Variants in ABCD3 observed in about 807,000 individuals in gnomAD.
The protein encoded by ABCD3 is ATP-binding cassette sub-family D member 3.
Under a neutral mutation model 105.5 loss-of-function variants are expected in ABCD3, and 41 were observed. The ratio of observed to expected loss-of-function variants is 0.39; its 90% CI spans 0.30 to 0.50. ABCD3 has a LOEUF of 0.50. Ranked by LOEUF, ABCD3 falls within the 20% of genes least tolerant of loss-of-function variation. ABCD3 has a pLI of 0.84. For missense variants in ABCD3, 622 were observed against 806.3 expected, an observed-to-expected ratio of 0.77 and a Z score of 2.77; for synonymous variants, 258 against 269.0, an observed-to-expected ratio of 0.96 and a Z score of 0.40.
chr1:94,475,872 G>A lies in ABCD3; in HGVS notation c.627+135G>A, dbSNP rs905542944. The stretch of plus-strand genomic sequence containing the variant: ...TTAATGCTTTTATAAGAAAATTAGA[G>A]TTGTTGTAATAGTTTTAATTATTTT... On this transcript the variant is annotated intron_variant, in intron 7 of 22. Coordinates refer to ENST00000370214, the MANE Select transcript of ABCD3 (RefSeq NM_002858.4). 3 of 713,766 alleles carry A rather than the reference G, an allele frequency of 4.2e-6. No homozygotes were observed. The African/African-American group carries it at 5.4e-5, about 13-fold the overall frequency. The allele number at this position is 713,766 out of a possible 1,614,324, so 44.2% of individuals were successfully genotyped here. A position where few individuals can be genotyped will look rare whatever the true frequency, so the allele number is the denominator to read the frequency against.
intron 16 of ABCD3, among the ~76,000 whole-genome samples, chr1:94,497,435 ACT>A (rs1649878498): frequency 6.6e-6 from 1 of 152,096 alleles, no homozygotes; most frequent in Admixed American, 6.6e-5. Context: ...AGCTAGGGTA[ACT>A]CATATCTTTC....
At chr1:94,436,739 T>G (rs903035634) in intron 1 of ABCD3, among the ~76,000 whole-genome samples, 6 of 152,240 alleles carry the variant, frequency 3.9e-5, no homozygotes, top group African/African-American at 1.4e-4. Flanking sequence ...GATCTGTGAT[T>G]GGACATCTTT....
chr1:94,418,884 T>A, intron 1 of ABCD3: 1 of 496,274 alleles, frequency 2.0e-6, no homozygotes, highest in South Asian at 2.3e-5. Flanking sequence ...CAGTTGGGGG[T>A]GGGAGGGGGA....
At chr1:94,475,579 T>G (rs1648700415) in intron 6 of ABCD3, 35 bp from the exon 7 acceptor site, 1 of 1,593,926 alleles carries the variant, frequency 6.3e-7, no homozygotes, top group Middle Eastern at 1.8e-4. Flanking sequence ...TTAAAGTCAC[T>G]TGTTTTAAAA....
chr1:94,397,010 C>T, the ABCD3 span, among the ~76,000 whole-genome samples: 7 of 152,104 alleles, frequency 4.6e-5, no homozygotes, highest in East Asian at 5.8e-4. Flanking sequence ...TCTATTTATG[C>T]TAGTTTCTTA....
At chr1:94,436,701 C>T (rs190842993) in intron 1 of ABCD3, among the ~76,000 whole-genome samples, 23 of 152,268 alleles carry the variant, frequency 1.5e-4, no homozygotes, top group African/African-American at 5.1e-4. Flanking sequence ...ATATTTCAAA[C>T]TTTTTCATTT....
At chr1:94,458,063 G>A (rs944249286) in intron 1 of ABCD3, among the ~76,000 whole-genome samples, 4 of 152,166 alleles carry the variant, frequency 2.6e-5, no homozygotes, top group Non-Finnish European at 5.9e-5. Flanking sequence ...GCCTAGACTA[G>A]TAGTCAGAAT....
At chr1:94,450,670 G>A (rs1660546725) in intron 1 of ABCD3, among the ~76,000 whole-genome samples, 1 of 152,176 alleles carries the variant, frequency 6.6e-6, no homozygotes, top group African/African-American at 2.4e-5. Flanking sequence ...GGGGCTCTCA[G>A]CTCTGAAGGC....
chr1:94,463,398 A>G (rs1367608137), intron 2 of ABCD3, among the ~76,000 whole-genome samples: 3 of 152,170 alleles, frequency 2.0e-5, no homozygotes, highest in Non-Finnish European at 4.4e-5. Context: ...GTTGGTAGTT[A>G]TTATTATTCT....
In ABCD3 at chr1:94,483,253, C is replaced by G. The variant is rs775390074; in HGVS notation, c.897+14C>G. The G allele has an allele frequency of 8.1e-6, 13 of 1,604,252 alleles. No homozygotes were observed. The East Asian group carries it at 2.9e-4, about 36-fold the overall frequency. ...TTCCGAAAACTGGTAAGATAACACACTTGAGGTTCATGTGTTTATGGAAAG... is the reference window on the plus strand; with the variant it reads ...TTCCGAAAACTGGTAAGATAACACAGTTGAGGTTCATGTGTTTATGGAAAG... On this transcript the variant is annotated intron_variant, in intron 10 of 22. Transcript: ENST00000370214.
Position 94,517,171 on chromosome 1 carries a change from A to G in ABCD3, c.*42A>G. ...ATACCTGCTTCAGTGAAATAATTAC[A>G]GAATATACTTAGAAAGGCAAAGTAC... On this transcript the variant is annotated 3_prime_UTR_variant, in exon 23 of 23. Coordinates refer to ENST00000370214, the MANE Select transcript of ABCD3 (RefSeq NM_002858.4). The G allele has an allele frequency of 7.0e-7, 1 of 1,427,552 alleles. No individual in the cohort carries two copies. The highest frequency in any genetic ancestry group is 9.9e-7 in the Non-Finnish European group (1 of 1,011,176). The allele number at this position is 1,427,552 out of a possible 1,614,324, so 88.4% of individuals were successfully genotyped here. A position where few individuals can be genotyped will look rare whatever the true frequency, so the allele number is the denominator to read the frequency against.
At chr1:94,425,324 A>C (rs1659425638) in intron 1 of ABCD3, among the ~76,000 whole-genome samples, 1 of 152,136 alleles carries the variant, frequency 6.6e-6, no homozygotes, top group Non-Finnish European at 1.5e-5. Flanking sequence ...TGTTATTTTC[A>C]TTTAAAGCAT....
the ABCD3 span, among the ~76,000 whole-genome samples, chr1:94,408,354 G>C: frequency 6.6e-6 from 1 of 152,010 alleles, no homozygotes; most frequent in African/African-American, 2.4e-5. Flanking sequence ...AGGCCAAGGT[G>C]GGGGGATCAC....
In ABCD3 at chr1:94,491,036, G is replaced by A. The variant is rs1008910036; in HGVS notation, c.1323-148G>A. ...TGAGATGTTGAGCACCTTTTCGTAT[G>A]CCTGTTGGCCATCTGAATTTCTTCT... On this transcript the variant is annotated intron_variant, in intron 15 of 22. Coordinates refer to ENST00000370214, the MANE Select transcript of ABCD3 (RefSeq NM_002858.4). 53 of 605,504 alleles carry A rather than the reference G, an allele frequency of 8.8e-5. No individual in the cohort carries two copies. The Admixed American group carries it at 1.3e-3, about 15-fold the overall frequency. The allele number at this position is 605,504 out of a possible 1,614,324, so 37.5% of individuals were successfully genotyped here.
At chr1:94,451,829 C>T (rs578150166) in intron 1 of ABCD3, among the ~76,000 whole-genome samples, 17 of 152,194 alleles carry the variant, frequency 1.1e-4, no homozygotes, top group Admixed American at 7.2e-4. Flanking sequence ...GAGAAAAATA[C>T]TTTGCCATTT....
chr1:94,423,472 T>G (rs1490749116), intron 1 of ABCD3, among the ~76,000 whole-genome samples: 1 of 152,214 alleles, frequency 6.6e-6, no homozygotes, highest in Non-Finnish European at 1.5e-5. Context: ...TAGTGACATC[T>G]TACTTCGCTT....
At chr1:94,444,115 T>C (rs1280795423) in intron 1 of ABCD3, among the ~76,000 whole-genome samples, 1 of 151,920 alleles carries the variant, frequency 6.6e-6, no homozygotes, top group East Asian at 1.9e-4. Context: ...AGGCAGACCA[T>C]GAGGTCAAGA....
rs61772850 is a variant in ABCD3 at position 94,452,985 on chromosome 1, G to A, written c.111-5622G>A. On this transcript the variant is annotated intron_variant, in intron 1 of 22. Coordinates refer to ENST00000370214, the MANE Select transcript of ABCD3 (RefSeq NM_002858.4). ...ACTCCTGGCCTCAAGTGATCCGCCC[G>A]CCTCTGCCTTCCAAAGCACTGGGAT... Among the ~76,000 whole-genome samples the A allele has an allele frequency of 3.9e-3, 589 of 152,192 alleles. 1 individual carries two copies. The highest frequency in any genetic ancestry group is 6.8e-3 in the Middle Eastern group (2 of 294).
chr1:94,489,979 C>A lies in ABCD3; in HGVS notation c.1322+4C>A. 1 of 1,611,952 alleles carries A rather than the reference C, an allele frequency of 6.2e-7. No individual in the cohort carries two copies. Among genetic ancestry groups the A allele is most frequent in the Non-Finnish European group, 8.5e-7 (1 of 1,178,306 alleles). On this transcript the variant is annotated splice_donor_region_variant and intron_variant, in intron 15 of 22. Transcript: ENST00000370214. ...TTATTGCAGATAACATTATAAAGTA[C>A]GTACAGAAAAAGGTCTTTTAGCACC...
Sources: allele counts gnomAD v4.1 joint callset (sites outside exome capture counted in the v4.1 genomes callset), GRCh38; gene constraint gnomAD v4.1.1; transcripts MANE v1.5; gene names NCBI Gene and HGNC (gene_info 2026-07-23, HGNC 2026-07-21).